The following YEATS2 variants were observed in gnomAD, a reference collection of about 807,000 sequenced individuals.
YEATS2 encodes the protein YEATS domain-containing protein 2.
A neutral mutation model predicts 163.2 loss-of-function variants in YEATS2; 77 were observed. The observed-to-expected ratio is 0.47, with a 90% CI of 0.39 to 0.57. The LOEUF (loss-of-function observed/expected upper bound fraction) is 0.57. Ranked by LOEUF, YEATS2 falls within the 20% of genes least tolerant of loss-of-function variation. YEATS2 has a pLI of 0.00. For synonymous variants in YEATS2, 631 were observed against 645.1 expected (o/e 0.98, Z 0.33); for missense variants, 1,549 against 1,729.8 (o/e 0.90, Z 1.85).
At chr3:183,748,257 C>CT (rs1232220476) in intron 9 of YEATS2, among the ~76,000 whole-genome samples, 4,458 of 135,396 alleles carry the variant, frequency 0.033, 206 homozygotes, top group East Asian at 0.14. Flanking sequence ...CCTTCCCCTC[C>CT]TTTTTTTTTT....
At chr3:183,713,427 G>A (rs1241303043) in intron 1 of YEATS2, among the ~76,000 whole-genome samples, 1 of 152,114 alleles carries the variant, frequency 6.6e-6, no homozygotes, top group African/African-American at 2.4e-5. Flanking sequence ...GCTGGGTGTG[G>A]TGGTGCATGC....
Position 183,715,193 on chromosome 3 carries a change from A to G in YEATS2, c.31A>G (p.Thr11Ala). 6.2e-7 allele frequency: 1 copy of G among 1,613,358 alleles called. No homozygotes were observed. Among genetic ancestry groups the G allele is most frequent in the Non-Finnish European group, 8.5e-7 (1 of 1,179,838 alleles). The change falls in exon 2 of 31, where the codon ACC becomes GCC. Residue 11 changes from threonine to alanine, a missense_variant. Transcript: ENST00000305135. ...TGGAATCAAGCGAACCATCAAAGAA[A>G]CCGACCCTGATTACGAGGATGTATC... The part of the protein sequence containing the change: MSGIKRTIKE[T>A]DPDYEDVSVA...
At position 183,800,358 on chromosome 3, in the gene YEATS2, GT is replaced by G. The variant is rs1293848592; in HGVS notation, c.3326-107del. The G allele has an allele frequency of 1.8e-5, 13 of 724,204 alleles. No homozygotes were observed. In the African/African-American group the frequency reaches 2.1e-4, roughly 12 times the overall value. The allele number at this position is 724,204 out of a possible 1,614,324, so 44.9% of individuals were successfully genotyped here. A position where few individuals can be genotyped will look rare whatever the true frequency, so the allele number is the denominator to read the frequency against. ...TGGCTGTGTCCCCACAACAGCTGGA[GT>G]GGCAGTTTCCTTACTGAGCTTCACT... is the stretch of plus-strand genomic sequence containing the variant. On this transcript the variant is annotated intron_variant, in intron 23 of 30. Transcript: ENST00000305135.
At chr3:183,718,641 T>C in intron 4 of YEATS2, 49 bp downstream of exon 4, 2 of 1,396,564 alleles carry the variant, frequency 1.4e-6, no homozygotes, top group Non-Finnish European at 2.0e-6. Context: ...ATATTTGTTG[T>C]CTGAGGGGAA....
chr3:183,808,286 G>GTT, intron 29 of YEATS2, 182 bp downstream of exon 29: 2 of 583,870 alleles, frequency 3.4e-6, no homozygotes, highest in East Asian at 5.8e-5. Context: ...AATGGACTAA[G>GTT]TTATGTTTCC....
intron 10 of YEATS2, 24 bp from the exon 11 acceptor site, chr3:183,754,102 G>C (rs140635077): frequency 1.3e-6 from 2 of 1,511,914 alleles, no homozygotes; most frequent in Non-Finnish European, 1.8e-6. Flanking sequence ...ATGACTTGCC[G>C]TTTGCCTCTT....
At chr3:183,724,585 C>A in intron 6 of YEATS2, 54 bp downstream of exon 6, 1 of 1,311,124 alleles carries the variant, frequency 7.6e-7, no homozygotes, top group Non-Finnish European at 1.1e-6. Flanking sequence ...AATATTTTGG[C>A]ATTAATACTC....
intron 1 of YEATS2, among the ~76,000 whole-genome samples, chr3:183,707,198 C>G (rs1239473396): frequency 6.6e-6 from 1 of 152,146 alleles, no homozygotes; most frequent in Non-Finnish European, 1.5e-5. Context: ...TAAAATATTT[C>G]TAAGAAAAAA....
At chr3:183,803,221 C>A (rs762117390) in intron 25 of YEATS2, 35 bp from the exon 26 acceptor site, 1 of 1,605,152 alleles carries the variant, frequency 6.2e-7, no homozygotes, top group Non-Finnish European at 8.5e-7. Flanking sequence ...ATCGTAAGAG[C>A]TTTATTCAGG....
chr3:183,808,040 C>T lies in YEATS2; in HGVS notation c.4022C>T (p.Thr1341Ile), dbSNP rs201018068. 4.9e-5 allele frequency: 76 copies of T among 1,561,774 alleles called. No homozygotes were observed. The East Asian group carries it at 1.7e-3, about 35-fold the overall frequency. The part of the protein sequence containing the change: ...IGDVTQKIGI[T>I]LQPVALHRNV... ...CTTCTGCTTTTCCAGATTGGGATCA[C>T]CCTGCAGCCCGTGGCACTCCACAGG... The change falls in exon 29 of 31, where the codon ACC becomes ATC. Residue 1341 changes from threonine to isoleucine, a missense_variant. Thr to Ile is a moderately conservative substitution (Grantham distance 89, BLOSUM62 -1). Transcript: ENST00000305135.
At position 183,806,875 on chromosome 3, in the gene YEATS2, C is replaced by G. The variant is rs1311602008; in HGVS notation, c.3794C>G (p.Ser1265Ter). Residue 1265 changes from serine to a stop codon, truncating the protein, a stop_gained, in exon 28 of 31, where the codon TCA becomes TGA. Coordinates refer to ENST00000305135, the MANE Select transcript of YEATS2 (RefSeq NM_018023.5). LOFTEE classifies it high-confidence loss of function. ...TQIDSEPECPSSFSSADNLCR... is the reference protein window; with the variant it reads ...TQIDSEPECP ...CTTGCCTGTCATTTAGAGTGCCCAT[C>G]ATCATTCTCCTCTGCTGACAACCTC... is the stretch of plus-strand genomic sequence containing the variant. 3.1e-6 allele frequency: 5 copies of G among 1,613,960 alleles called. No homozygotes were observed. Among genetic ancestry groups the G allele is most frequent in the East Asian group, 4.5e-5 (2 of 44,882 alleles).
chr3:183,800,576 T>C lies in YEATS2; in HGVS notation c.3428+8T>C, dbSNP rs768656189. Reference sequence around the variant, plus strand: ...GGGAAACTATGTCATTAAGTAATTCTTCCAATCTTTCCTAAAGGAATTCCG... The same window carrying C: ...GGGAAACTATGTCATTAAGTAATTCCTCCAATCTTTCCTAAAGGAATTCCG... On this transcript the variant is annotated splice_region_variant and intron_variant, in intron 24 of 30. Transcript: ENST00000305135. The C allele has an allele frequency of 1.9e-6, 3 of 1,609,236 alleles. No homozygotes were observed. The highest frequency in any genetic ancestry group is 2.2e-5 in the South Asian group (2 of 90,896).
intron 20 of YEATS2, among the ~76,000 whole-genome samples, chr3:183,788,093 C>T (rs552032730): frequency 1.2e-4 from 19 of 152,160 alleles, no homozygotes; most frequent in African/African-American, 2.6e-4. Context: ...GCATACAATG[C>T]GTAATAATCG....
At chr3:183,714,483 A>G (rs1715619698) in intron 1 of YEATS2, among the ~76,000 whole-genome samples, 1 of 151,596 alleles carries the variant, frequency 6.6e-6, no homozygotes, top group Non-Finnish European at 1.5e-5. Flanking sequence ...GGCGTGAGCC[A>G]CCGTGCCCGG....
intron 2 of YEATS2, among the ~76,000 whole-genome samples, chr3:183,716,160 C>T (rs749830367): frequency 1.2e-4 from 19 of 152,024 alleles, no homozygotes; most frequent in African/African-American, 2.9e-4. Context: ...GGGGTTTCAC[C>T]GTGTTAGCCA....
chr3:183,801,631 G>C, intron 25 of YEATS2, 103 bp downstream of exon 25: 1 of 868,034 alleles, frequency 1.2e-6, no homozygotes, highest in South Asian at 2.0e-5. Context: ...ATATTGATAT[G>C]GCGGTTACCT....
intron 26 of YEATS2, 184 bp downstream of exon 26, chr3:183,803,519 C>A: frequency 3.2e-6 from 2 of 626,286 alleles, no homozygotes; most frequent in Non-Finnish European, 5.6e-6. Context: ...TTTTCCTGCA[C>A]TGGCAGAAAC....
At chr3:183,722,842 C>A (rs566720309) in intron 5 of YEATS2, among the ~76,000 whole-genome samples, 4 of 151,986 alleles carry the variant, frequency 2.6e-5, no homozygotes, top group Non-Finnish European at 5.9e-5. Context: ...TTAGTAGAGA[C>A]GAGGTTTCAC....
intron 18 of YEATS2, 140 bp from the exon 19 acceptor site, chr3:183,777,402 A>T: frequency 2.3e-6 from 2 of 857,422 alleles, no homozygotes; most frequent in South Asian, 3.8e-5. Flanking sequence ...CTTTTGAATT[A>T]TTTTGCCTAC....
Sources: allele counts gnomAD v4.1 joint callset (sites outside exome capture counted in the v4.1 genomes callset), GRCh38; gene constraint gnomAD v4.1.1; transcripts MANE v1.5; gene names NCBI Gene and HGNC (gene_info 2026-07-23, HGNC 2026-07-21).